SYT1: variants seen among roughly 807,000 people sequenced by gnomAD.
SYT1 encodes synaptotagmin 1.
In SYT1, 8 loss-of-function variants were observed where a neutral mutation model predicts 44.8. That is an observed-to-expected ratio of 0.18 (90% CI 0.10 to 0.32). The LOEUF is 0.32. Ranked by LOEUF, SYT1 falls within the 10% of genes least tolerant of loss-of-function variation. The pLI, the probability that SYT1 is intolerant of heterozygous loss-of-function variation, is 1.00. For missense variants in SYT1, 286 were observed against 509.3 expected, an observed-to-expected ratio of 0.56 and a Z score of 4.22; for synonymous variants, 154 against 188.8, an observed-to-expected ratio of 0.82 and a Z score of 1.51.
chr12:79,203,107 T>C (rs1244585968), intron 3 of SYT1, among the ~76,000 whole-genome samples: 1 of 151,852 alleles, frequency 6.6e-6, no homozygotes, highest in Non-Finnish European at 1.5e-5. Flanking sequence ...TTTTTTATTG[T>C]GAAAATGAGA....
At chr12:79,120,988 TACAC>T (rs151069295) in intron 3 of SYT1, among the ~76,000 whole-genome samples, 1 of 150,950 alleles carries the variant, frequency 6.6e-6, no homozygotes, top group Admixed American at 6.6e-5. Flanking sequence ...TATATATATA[TACAC>T]ACACACATAT....
chr12:79,203,008 A>G (rs950512228), intron 3 of SYT1, among the ~76,000 whole-genome samples: 13 of 152,186 alleles, frequency 8.5e-5, no homozygotes, highest in African/African-American at 1.7e-4. Context: ...ATCAAAAGCT[A>G]GGAGTCAGAG....
intron 2 of SYT1, among the ~76,000 whole-genome samples, chr12:79,044,429 G>T (rs1047728919): frequency 1.3e-5 from 2 of 151,210 alleles, no homozygotes; most frequent in African/African-American, 4.9e-5. Context: ...TGGCTCCTGA[G>T]GCTTCTGCAT....
At chr12:79,006,213 A>T (rs1485757626) in intron 2 of SYT1, among the ~76,000 whole-genome samples, 2 of 152,270 alleles carry the variant, frequency 1.3e-5, no homozygotes, top group African/African-American at 4.8e-5. Context: ...TGTCTCTGGC[A>T]GGCCAACTTG....
At chr12:79,385,082 A>C (rs1169930444) in intron 9 of SYT1, among the ~76,000 whole-genome samples, 2 of 148,182 alleles carry the variant, frequency 1.3e-5, no homozygotes, top group African/African-American at 5.0e-5. Context: ...CGCCTCCTAG[A>C]TTCAAGTGAT....
intron 1 of SYT1, among the ~76,000 whole-genome samples, chr12:78,886,059 C>A (rs902041164): frequency 6.6e-6 from 1 of 151,882 alleles, no homozygotes; most frequent in African/African-American, 2.4e-5. Context: ...TAGGGCTTAT[C>A]ATAACACTAA....
intron 3 of SYT1, among the ~76,000 whole-genome samples, chr12:79,142,938 G>A (rs61927283): frequency 0.068 from 10,397 of 152,190 alleles, 389 homozygotes; most frequent in African/African-American, 0.082. Context: ...TATGTCTCAA[G>A]TGCATTTTAA....
intron 1 of SYT1, among the ~76,000 whole-genome samples, chr12:78,922,458 C>T (rs922833338): frequency 6.6e-6 from 1 of 151,178 alleles, no homozygotes; most frequent in African/African-American, 2.4e-5. Flanking sequence ...CTTAAGAAAA[C>T]ATATTATAAA....
intron 1 of SYT1, among the ~76,000 whole-genome samples, chr12:78,899,373 T>C (rs1349278663): frequency 6.6e-6 from 1 of 151,968 alleles, no homozygotes; most frequent in Non-Finnish European, 1.5e-5. Flanking sequence ...ATGCTAATGA[T>C]GAAAGGCTAC....
chr12:79,102,104 T>C (rs1164086882), intron 3 of SYT1, among the ~76,000 whole-genome samples: 1 of 152,168 alleles, frequency 6.6e-6, no homozygotes, highest in African/African-American at 2.4e-5. Context: ...AATTGGTCTT[T>C]GATCATAATA....
intron 3 of SYT1, among the ~76,000 whole-genome samples, chr12:79,147,173 C>A (rs891318762): frequency 2.6e-5 from 4 of 152,152 alleles, no homozygotes; most frequent in African/African-American, 9.7e-5. Context: ...AATAAATCTT[C>A]AGAATGTACA....
intron 3 of SYT1, among the ~76,000 whole-genome samples, chr12:79,200,792 A>G (rs1718739652): frequency 6.6e-6 from 1 of 152,220 alleles, no homozygotes; most frequent in Non-Finnish European, 1.5e-5. Context: ...TAGAGTTTCT[A>G]GCTTCAGAGT....
chr12:79,155,710 T>C (rs1365782230), intron 3 of SYT1, among the ~76,000 whole-genome samples: 1 of 152,236 alleles, frequency 6.6e-6, no homozygotes, highest in African/African-American at 2.4e-5. Flanking sequence ...AAATATCTAG[T>C]TTCACTTTTA....
At chr12:79,260,222 G>A (rs1395189416) in intron 4 of SYT1, among the ~76,000 whole-genome samples, 6 of 152,028 alleles carry the variant, frequency 3.9e-5, no homozygotes, top group African/African-American at 9.7e-5. Flanking sequence ...TAATGCAGAC[G>A]GTCTTTATAC....
At chr12:79,438,782 C>T (rs965551784) in intron 9 of SYT1, among the ~76,000 whole-genome samples, 1 of 152,206 alleles carries the variant, frequency 6.6e-6, no homozygotes, top group Non-Finnish European at 1.5e-5. Context: ...TTCTAGGTCT[C>T]CACTGTCTTG....
chr12:79,016,534 A>C (rs1004858992), intron 2 of SYT1, among the ~76,000 whole-genome samples: 23 of 152,288 alleles, frequency 1.5e-4, no homozygotes, highest in Non-Finnish European at 3.2e-4. Flanking sequence ...ATCTGGAATC[A>C]GTTAAATTAT....
intron 10 of SYT1, among the ~76,000 whole-genome samples, chr12:79,445,386 G>A (rs1421237381): frequency 2.6e-5 from 4 of 151,930 alleles, no homozygotes; most frequent in African/African-American, 9.7e-5. Context: ...ATCCTGTAGT[G>A]GTACAGAACA....
chr12:79,034,566 T>C (rs1466418480), intron 2 of SYT1, among the ~76,000 whole-genome samples: 2 of 151,806 alleles, frequency 1.3e-5, no homozygotes, highest in African/African-American at 4.8e-5. Context: ...CATATGTAAA[T>C]AGAGATAATT....
intron 2 of SYT1, among the ~76,000 whole-genome samples, chr12:79,015,522 A>C (rs183790315): frequency 2.6e-5 from 4 of 152,276 alleles, no homozygotes; most frequent in African/African-American, 7.2e-5. Flanking sequence ...CTAATGATTT[A>C]AACTAGAAGA....
Sources: allele counts gnomAD v4.1 joint callset (sites outside exome capture counted in the v4.1 genomes callset), GRCh38; gene constraint gnomAD v4.1.1; transcripts MANE v1.5; gene names NCBI Gene and HGNC (gene_info 2026-07-23, HGNC 2026-07-21).